KLHL29: variants seen among roughly 807,000 people sequenced by gnomAD.
KLHL29 encodes the protein kelch-like protein 29.
A neutral mutation model predicts 80.4 loss-of-function variants in KLHL29; 21 were observed. The ratio of observed to expected loss-of-function variants is 0.26; its 90% CI spans 0.19 to 0.38. The LOEUF (loss-of-function observed/expected upper bound fraction) is 0.38, where lower values mean the gene tolerates loss of function less well. Among genes scored for constraint, KLHL29 ranks in the 10% least tolerant of loss-of-function variants. The probability of loss-of-function intolerance (pLI) is 1.00; values close to 1 mark genes in which losing one functional copy is unlikely to be tolerated. For missense variants in KLHL29, 867 were observed against 1,223.9 expected (o/e 0.71, Z 4.35); for synonymous variants, 511 against 526.8 (o/e 0.97, Z 0.41).
chr2:23,549,111 G>C (rs1667058114), intron 2 of KLHL29, among the ~76,000 whole-genome samples: 1 of 152,158 alleles, frequency 6.6e-6, no homozygotes, highest in East Asian at 1.9e-4. Context: ...GGGCCCTGGA[G>C]GTCACAGGGA....
At chr2:23,421,317 G>T (rs1662793816) in intron 1 of KLHL29, among the ~76,000 whole-genome samples, 3 of 152,204 alleles carry the variant, frequency 2.0e-5, no homozygotes, top group Non-Finnish European at 2.9e-5. Flanking sequence ...TGCTCCTGAA[G>T]ATCACATGGT....
intron 2 of KLHL29, among the ~76,000 whole-genome samples, chr2:23,498,427 C>T (rs1440053101): frequency 1.3e-5 from 2 of 152,192 alleles, no homozygotes; most frequent in Non-Finnish European, 2.9e-5. Context: ...AACAAACACC[C>T]GATCAGGCAG....
At chr2:23,550,075 T>G (rs958646182) in intron 2 of KLHL29, among the ~76,000 whole-genome samples, 1 of 152,054 alleles carries the variant, frequency 6.6e-6, no homozygotes, top group African/African-American at 2.4e-5. Context: ...TTTTTCCGTT[T>G]TATGGCTGTG....
At chr2:23,506,223 C>T (rs7605823) in intron 2 of KLHL29, among the ~76,000 whole-genome samples, 2,033 of 152,368 alleles carry the variant, frequency 0.013, 54 homozygotes, top group African/African-American at 0.047. Context: ...ACAGGCTGGA[C>T]AGCTTGCCGT....
chr2:23,436,257 G>T (rs1174430493), intron 1 of KLHL29, among the ~76,000 whole-genome samples: 5 of 150,848 alleles, frequency 3.3e-5, no homozygotes, highest in Non-Finnish European at 7.4e-5. Flanking sequence ...ATGGATTTAA[G>T]AGAAGTAAAT....
At chr2:23,566,916 C>T (rs1224203424) in intron 3 of KLHL29, among the ~76,000 whole-genome samples, 4 of 152,134 alleles carry the variant, frequency 2.6e-5, no homozygotes, top group African/African-American at 9.7e-5. Context: ...GGAAACCTGT[C>T]CCCCCCTGGT....
At chr2:23,427,434 A>C (rs893428) in intron 1 of KLHL29, among the ~76,000 whole-genome samples, 5,278 of 152,252 alleles carry the variant, frequency 0.035, 115 homozygotes, top group Middle Eastern at 0.068. Flanking sequence ...ATATTGGCGG[A>C]AATAACATTT....
At chr2:23,396,165 A>G (rs1666447983) in intron 1 of KLHL29, among the ~76,000 whole-genome samples, 1 of 152,166 alleles carries the variant, frequency 6.6e-6, no homozygotes, top group African/African-American at 2.4e-5. Context: ...TGGTGCTCAT[A>G]TTAGCAGGGG....
chr2:23,615,266 T>G (rs564093762), intron 3 of KLHL29, among the ~76,000 whole-genome samples: 1 of 152,244 alleles, frequency 6.6e-6, no homozygotes, highest in East Asian at 1.9e-4. Flanking sequence ...TCTGCTCTTG[T>G]GTAAATGCAA....
At chr2:23,467,134 C>T (rs770269105) in intron 1 of KLHL29, among the ~76,000 whole-genome samples, 16 of 152,298 alleles carry the variant, frequency 1.1e-4, no homozygotes, top group Middle Eastern at 3.4e-3. Context: ...GACATCAATT[C>T]GTGCCAGGCT....
rs1671947426 is a variant in KLHL29, at chr2:23,696,252, C to T, written c.1925-81C>T. ...TGTCTACTTTGCAGGTGAAGCCTTC[C>T]TCTGCCCCTGGGGCTGGGCCTGCTG... On this transcript the variant is annotated intron_variant, in intron 10 of 13. Coordinates refer to ENST00000486442, the MANE Select transcript of KLHL29 (RefSeq NM_052920.2). This position sits in a 1 kb window ranked among gnomAD's most constrained non-coding sequence, Gnocchi z 5.5. 3 of 1,491,392 alleles carry T rather than the reference C, an allele frequency of 2.0e-6. No individual in the cohort carries two copies. Among genetic ancestry groups the T allele is most frequent in the Middle Eastern group, 2.1e-4 (1 of 4,820 alleles). 92.4% of individuals were successfully genotyped at this position (1,491,392 alleles called of 1,614,324 possible).
Position 23,520,687 on chromosome 2 carries a change from A to G in KLHL29, c.-45-41465A>G, listed in dbSNP as rs376059099. 6.6e-4 allele frequency among the ~76,000 whole-genome samples: 101 copies of G among 152,382 alleles called. 1 individual carries two copies. In the South Asian group the frequency reaches 0.019, roughly 29 times the overall value. On this transcript the variant is annotated intron_variant, in intron 2 of 13. Coordinates refer to ENST00000486442, the MANE Select transcript of KLHL29 (RefSeq NM_052920.2). Reference sequence around the variant, plus strand: ...TACGTACTCCCAACACTTTAAGGAAAGAAACTTTGGTTTCACAGTGGATGA... The same window carrying G: ...TACGTACTCCCAACACTTTAAGGAAGGAAACTTTGGTTTCACAGTGGATGA...
intron 6 of KLHL29, among the ~76,000 whole-genome samples, chr2:23,688,345 A>T (rs1572500410): frequency 6.6e-6 from 1 of 152,058 alleles, no homozygotes; most frequent in Non-Finnish European, 1.5e-5. Context: ...CCTGTCCCTC[A>T]CCCACCACTG....
chr2:23,547,392 C>G (rs1667004656), intron 2 of KLHL29, among the ~76,000 whole-genome samples: 1 of 152,110 alleles, frequency 6.6e-6, no homozygotes, highest in Non-Finnish European at 1.5e-5. Context: ...AGAATGTGAT[C>G]ATGTTTAGGA....
At chr2:23,622,799 T>C (rs1396104739) in intron 3 of KLHL29, among the ~76,000 whole-genome samples, 2 of 152,242 alleles carry the variant, frequency 1.3e-5, no homozygotes, top group Non-Finnish European at 2.9e-5. Flanking sequence ...GTTCCAGGCA[T>C]GGTTCTAAGT....
chr2:23,515,665 C>G (rs1572370038), intron 2 of KLHL29, among the ~76,000 whole-genome samples: 1 of 152,240 alleles, frequency 6.6e-6, no homozygotes, highest in Non-Finnish European at 1.5e-5. Flanking sequence ...CAGAAGGTCT[C>G]CTGTGAACGA....
chr2:23,684,454 A>T lies in KLHL29; in HGVS notation c.996A>T (p.Lys332Asn), dbSNP rs1671180242. 1 of 1,550,904 alleles carries T rather than the reference A, an allele frequency of 6.4e-7. No individual in the cohort carries two copies. Among genetic ancestry groups the T allele is most frequent in the Admixed American group, 2.0e-5 (1 of 50,772 alleles). ...QRRAKAFTDL[K>N]IVVEGREFEV... ...GAGCGAAAGCGTTTACAGACCTGAA[A>T]ATTGTTGTTGAAGGCAGAGAGTTTG... Residue 332 changes from lysine to asparagine, a missense_variant, in exon 6 of 14, where the codon AAA becomes AAT. Around this residue, in one of 2 missense-constraint regions of KLHL29, gnomAD observed 443 missense variants for 767.0 expected, o/e 0.58. Transcript: ENST00000486442. This position sits in a 1 kb window ranked among gnomAD's most constrained non-coding sequence, Gnocchi z 4.4.
intron 3 of KLHL29, among the ~76,000 whole-genome samples, 176 bp from the exon 4 acceptor site, chr2:23,638,963 C>A (rs1171247574): frequency 6.6e-6 from 1 of 152,216 alleles, no homozygotes; most frequent in African/African-American, 2.4e-5. Context: ...GAACCCCCTG[C>A]AATTCCCACC....
intron 5 of KLHL29, among the ~76,000 whole-genome samples, chr2:23,663,659 C>A (rs561842117): frequency 6.6e-6 from 1 of 152,312 alleles, no homozygotes; most frequent in Non-Finnish European, 1.5e-5. Flanking sequence ...ATTGACTGAG[C>A]GATTGCCGTT....
Sources: gnomAD v4.1 joint callset for allele counts (sites outside exome capture counted in the v4.1 genomes callset) on GRCh38, gnomAD v4.1.1 for gene constraint, gnomAD v4.1.1 regional missense constraint, Gnocchi (gnomAD v3.1) non-coding constraint, MANE v1.5 for transcripts, NCBI Gene and HGNC (gene_info 2026-07-23, HGNC 2026-07-21) for gene names.